The following IPO4 variants were observed in gnomAD, a reference collection of about 807,000 sequenced individuals.
IPO4 encodes importin 4.
In IPO4, 91 loss-of-function variants were observed where a neutral mutation model predicts 133.5. The observed-to-expected ratio is 0.68, with a 90% CI of 0.58 to 0.81. IPO4 has a LOEUF of 0.81. IPO4 is among the 30% of genes least tolerant of loss of function. The pLI, the probability that IPO4 is intolerant of heterozygous loss-of-function variation, is 0.00. For synonymous variants in IPO4, 607 were observed against 581.6 expected, an observed-to-expected ratio of 1.04 and a Z score of -0.63; for missense variants, 1,279 against 1,386.2, an observed-to-expected ratio of 0.92 and a Z score of 1.23.
intron 11 of IPO4, 55 bp downstream of exon 11, chr14:24,186,074 G>A: frequency 6.2e-7 from 1 of 1,606,626 alleles, no homozygotes; most frequent in South Asian, 1.1e-5. Flanking sequence ...GTTGGCCTCA[G>A]GGGGACTAGG....
intron 19 of IPO4, 35 bp downstream of exon 19, chr14:24,183,748 T>G (rs374739628): frequency 6.2e-7 from 1 of 1,613,970 alleles, no homozygotes; most frequent in Non-Finnish European, 8.5e-7. Flanking sequence ...AAAGCCAAAG[T>G]CTAGATTCCT....
In IPO4 at chr14:24,182,315, A is replaced by G. The variant is rs1173353545; in HGVS notation, c.2561T>C (p.Phe854Ser). The G allele has an allele frequency of 1.2e-6, 2 of 1,613,884 alleles. No homozygotes were observed. The highest frequency in any genetic ancestry group is 8.5e-7 in the Non-Finnish European group (1 of 1,179,962). ...CAATAATGGCAGGAAACCGGCAAAG[A>G]ATGGGGCAAAGGAGTCTCCCCCAGC... ...AAAGGDSFAP[F>S]FAGFLPLLVC... The change falls in exon 25 of 30, where the codon TTC becomes TCC. Residue 854 changes from phenylalanine (F) to serine (S), a missense_variant. This residue lies in a region of IPO4 where 575 missense variants were observed against 653.4 expected (regional missense o/e 0.88). Coordinates refer to ENST00000354464, the MANE Select transcript of IPO4 (RefSeq NM_024658.4).
Position 24,186,808 on chromosome 14 carries a change from A to G in IPO4, c.757-17T>C. ...TCTAGCTACCTGTCCACAGAATAAT[A>G]AAAATCAGCGACAGGGAAGGAGAGT... On this transcript the variant is annotated splice_polypyrimidine_tract_variant and intron_variant, in intron 8 of 29. Transcript: ENST00000354464. 1 of 1,613,764 alleles carries G rather than the reference A, an allele frequency of 6.2e-7. No individual in the cohort carries two copies. Among genetic ancestry groups the G allele is most frequent in the Non-Finnish European group, 8.5e-7 (1 of 1,179,634 alleles).
chr14:24,188,351 G>A lies in IPO4; in HGVS notation c.229C>T (p.Arg77Trp). Residue 77 changes from arginine (R) to tryptophan (W), a missense_variant, in exon 3 of 30, where the codon CGG becomes TGG. Around this residue, in one of 3 missense-constraint regions of IPO4, gnomAD observed 695 missense variants for 704.1 expected, o/e 0.99. Transcript: ENST00000354464. ...ACCCCAGGCCCAGCCCACCTCTCCC[G>A]TTGCTCCGCCGCCAGCCGTCGCCAG... Reference protein sequence around the residue: ...TRWRRLAAEQRESLKSLILTA... With the variant: ...TRWRRLAAEQWESLKSLILTA... 4 of 1,590,154 alleles carry A rather than the reference G, an allele frequency of 2.5e-6. No individual in the cohort carries two copies. Among genetic ancestry groups the A allele is most frequent in the Non-Finnish European group, 3.4e-6 (4 of 1,162,664 alleles).
In IPO4 at chr14:24,185,211, A is replaced by G. The variant is rs199933191; in HGVS notation, c.1380T>C (p.Tyr460=). 6.2e-7 allele frequency: 1 copy of G among 1,614,158 alleles called. No individual in the cohort carries two copies. The highest frequency in any genetic ancestry group is 8.5e-7 in the Non-Finnish European group (1 of 1,180,018). ...GGTTCTCCACAAAATTCTCCAGGGCATAGCAGGCCTTGGCTAGGTGGTGTG... is the reference window on the plus strand; with the variant it reads ...GGTTCTCCACAAAATTCTCCAGGGCGTAGCAGGCCTTGGCTAGGTGGTGTG... ...GHTHHLAKAC[Y]ALENFVENLG... Residue 460 remains tyrosine, a synonymous_variant, in exon 14 of 30, where the codon TAT becomes TAC. Coordinates refer to ENST00000354464, the MANE Select transcript of IPO4 (RefSeq NM_024658.4).
At position 24,183,004 on chromosome 14, in the gene IPO4, CCA is replaced by C. The variant is rs748100178; in HGVS notation, c.2391_2392del (p.Cys797TrpfsTer17). ...CCTCTGCAGCACAGCCTTGAGCACG[CCA>C]CAGAGCTCAGCGAGGCGCCCAGGGG... On this transcript the variant is annotated frameshift_variant, in exon 23 of 30. Transcript: ENST00000354464. LOFTEE classifies it high-confidence loss of function. The C allele has an allele frequency of 6.2e-7, 1 of 1,613,718 alleles. No homozygotes were observed. Among genetic ancestry groups the C allele is most frequent in the South Asian group, 1.1e-5 (1 of 91,072 alleles).
rs1395549907 is a variant in IPO4 at position 24,183,110 on chromosome 14, G to A, written c.2287C>T (p.Arg763Trp). The A allele has an allele frequency of 6.2e-6, 10 of 1,613,814 alleles. No homozygotes were observed. The highest frequency in any genetic ancestry group is 8.5e-6 in the Non-Finnish European group (10 of 1,179,994). The part of the protein sequence containing the change: ...PSYMQAVNRE[R>W]ERQVVMAVLE... Reference sequence around the variant, plus strand: ...ACGGCCATCACCACCTGGCGTTCCCGCTCCCTGTTCACTGCCTGCATGTAG... The same window carrying A: ...ACGGCCATCACCACCTGGCGTTCCCACTCCCTGTTCACTGCCTGCATGTAG... Residue 763 changes from arginine to tryptophan, a missense_variant, in exon 23 of 30, where the codon CGG (arginine) becomes TGG (tryptophan). Physicochemically the swap from Arg to Trp is moderately radical, Grantham distance 101. This residue lies in a region of IPO4 where 575 missense variants were observed against 653.4 expected (regional missense o/e 0.88). Transcript: ENST00000354464.
chr14:24,183,510 C>T lies in IPO4; in HGVS notation c.2067G>A (p.Val689=), dbSNP rs769755108. Residue 689 remains valine (V), a synonymous_variant, in exon 21 of 30, where the codon GTG becomes GTA. Coordinates refer to ENST00000354464, the MANE Select transcript of IPO4 (RefSeq NM_024658.4). Reference sequence around the variant, plus strand: ...CACTTTCCATGTATGGAAGGAAGGCCACACTACAGAGAGAGACACAGCCGT... The same window carrying T: ...CACTTTCCATGTATGGAAGGAAGGCTACACTACAGAGAGAGACACAGCCGT... The part of the protein sequence containing the change: ...AVGEISVNTS[V]AFLPYMESVF... 2.5e-6 allele frequency: 4 copies of T among 1,613,896 alleles called. No homozygotes were observed. The highest frequency in any genetic ancestry group is 3.4e-6 in the Non-Finnish European group (4 of 1,179,978).
chr14:24,183,939 C>T (rs746698914), intron 18 of IPO4, 41 bp from the exon 19 acceptor site: 1 of 1,613,664 alleles, frequency 6.2e-7, no homozygotes, highest in Non-Finnish European at 8.5e-7. Context: ...TCAGCTGGGC[C>T]CAGGAGATAA....
chr14:24,188,751 G>A lies in IPO4; in HGVS notation c.37C>T (p.Leu13=). ...SAGLEQLLRE[L]LLPDTERIRR... is the part of the protein sequence containing the mutation. ...ATGCGCTCGGTGTCCGGTAGCAGCAGCTCCCGTAGGAGCTGCTCTAGCCCG... is the reference window on the plus strand; with the variant it reads ...ATGCGCTCGGTGTCCGGTAGCAGCAACTCCCGTAGGAGCTGCTCTAGCCCG... The change falls in exon 1 of 30, where the codon CTG becomes TTG. Residue 13 remains leucine (L), a synonymous_variant. Transcript: ENST00000354464. 1 of 1,539,982 alleles carries A rather than the reference G, an allele frequency of 6.5e-7. No individual in the cohort carries two copies. The highest frequency in any genetic ancestry group is 8.7e-7 in the Non-Finnish European group (1 of 1,143,280).
Position 24,183,325 on chromosome 14 carries a change from G to A in IPO4, c.2152C>T (p.His718Tyr), listed in dbSNP as rs775364818. The change falls in exon 22 of 30, where the codon CAT (histidine) becomes TAT (tyrosine). Residue 718 changes from histidine to tyrosine, a missense_variant. By Grantham distance (83) the His-to-Tyr change is moderately conservative. Transcript: ENST00000354464. Reference sequence around the variant, plus strand: ...CAGCAAAACTGACCCAGAGCCTCATGGGCTGCCTTCCGCACATTCAGGTGA... The same window carrying A: ...CAGCAAAACTGACCCAGAGCCTCATAGGCTGCCTTCCGCACATTCAGGTGA... ...CPHLNVRKAA[H>Y]EALGQFCCAL... 1.7e-4 allele frequency: 280 copies of A among 1,612,470 alleles called. 1 individual carries two copies. The highest frequency in any genetic ancestry group is 2.3e-4 in the Non-Finnish European group (276 of 1,179,282).
rs1371516955 is a variant in IPO4 at position 24,185,306 on chromosome 14, T to A, written c.1285A>T (p.Ile429Phe). 1.9e-6 allele frequency: 3 copies of A among 1,613,878 alleles called. No homozygotes were observed. The highest frequency in any genetic ancestry group is 2.5e-6 in the Non-Finnish European group (3 of 1,179,978). ...ATTACCTCCCTTGAATAGCTGCTGA[T>A]ATGGGGCTGGGGGAGGGAGCAAGCA... is the stretch of plus-strand genomic sequence containing the variant. ...GQFSENLQPH[I>F]SSYSREVMPL... is the part of the protein sequence containing the mutation. The change falls in exon 14 of 30, where the codon ATC becomes TTC. Residue 429 changes from isoleucine to phenylalanine, a missense_variant. Ile to Phe is a conservative substitution (Grantham distance 21). Around this residue, in one of 3 missense-constraint regions of IPO4, gnomAD observed 695 missense variants for 704.1 expected, o/e 0.99. Coordinates refer to ENST00000354464, the MANE Select transcript of IPO4 (RefSeq NM_024658.4).
chr14:24,186,522 T>G, intron 9 of IPO4, 71 bp from the exon 10 acceptor site: 2 of 1,502,524 alleles, frequency 1.3e-6, no homozygotes, highest in Non-Finnish European at 1.8e-6. Flanking sequence ...AAAATTCCAG[T>G]CTTCCAGGCC....
chr14:24,185,670 G>T, intron 12 of IPO4, 103 bp from the exon 13 acceptor site: 2 of 1,147,492 alleles, frequency 1.7e-6, no homozygotes, highest in Non-Finnish European at 2.6e-6. Flanking sequence ...GGCTTTTCCT[G>T]TCACCAGAGG....
At position 24,182,827 on chromosome 14, in the gene IPO4, T is replaced by C; in HGVS notation, c.2437A>G (p.Thr813Ala). ...TCTTCCTCTTCCTCCTCCTCGTCAGTATCCTGACAGGCTGTCTACAAGAAG... is the reference window on the plus strand; with the variant it reads ...TCTTCCTCTTCCTCCTCCTCGTCAGCATCCTGACAGGCTGTCTACAAGAAG... ...VLQRKTACQDTDEEEEEEDDD... is the reference protein window; with the variant it reads ...VLQRKTACQDADEEEEEEDDD... Residue 813 changes from threonine (T) to alanine (A), a missense_variant, in exon 24 of 30, where the codon ACT becomes GCT. Thr to Ala is a moderately conservative substitution (Grantham distance 58, BLOSUM62 0). Coordinates refer to ENST00000354464, the MANE Select transcript of IPO4 (RefSeq NM_024658.4). 1 of 1,614,176 alleles carries C rather than the reference T, an allele frequency of 6.2e-7. No individual in the cohort carries two copies. The highest frequency in any genetic ancestry group is 8.5e-7 in the Non-Finnish European group (1 of 1,180,010).
chr14:24,185,173 C>T lies in IPO4; in HGVS notation c.1408+10G>A. 1 of 1,613,830 alleles carries T rather than the reference C, an allele frequency of 6.2e-7. No individual in the cohort carries two copies. Among genetic ancestry groups the T allele is most frequent in the Non-Finnish European group, 8.5e-7 (1 of 1,179,838 alleles). ...TCCCCCTTCCCCAAGCTCCCCACTG[C>T]CATCACTACCTAGGTTCTCCACAAA... On this transcript the variant is annotated intron_variant, in intron 14 of 29. Coordinates refer to ENST00000354464, the MANE Select transcript of IPO4 (RefSeq NM_024658.4).
In IPO4 at chr14:24,183,656, T is replaced by C; in HGVS notation, c.1997A>G (p.Glu666Gly). The part of the protein sequence containing the change: ...DDSEISGYSV[E>G]NAFFDEKEDT... Reference sequence around the variant, plus strand: ...TTCCTTCTCATCGAAGAAGGCATTCTCCACGCTGTACCTAGAGTAAGAAGG... The same window carrying C: ...TTCCTTCTCATCGAAGAAGGCATTCCCCACGCTGTACCTAGAGTAAGAAGG... Residue 666 changes from glutamate to glycine, a missense_variant, in exon 20 of 30, where the codon GAG (glutamate) becomes GGG (glycine). Coordinates refer to ENST00000354464, the MANE Select transcript of IPO4 (RefSeq NM_024658.4). 6.2e-7 allele frequency: 1 copy of C among 1,614,084 alleles called. No individual in the cohort carries two copies. Among genetic ancestry groups the C allele is most frequent in the Non-Finnish European group, 8.5e-7 (1 of 1,179,996 alleles).
chr14:24,183,972 G>GGGGCCC, intron 18 of IPO4, 26 bp downstream of exon 18: 83 of 1,572,744 alleles, frequency 5.3e-5, no homozygotes, highest in Non-Finnish European at 6.8e-5. Flanking sequence ...GGCAGGCCTG[G>GGGGCCC]CCCAGCCCAC....
At chr14:24,187,609 G>A (rs1324691851) in intron 5 of IPO4, 30 bp from the exon 6 acceptor site, 2 of 1,614,006 alleles carry the variant, frequency 1.2e-6, no homozygotes, top group African/African-American at 2.7e-5. Context: ...GGGAGAGCAA[G>A]CTTACAAGGT....
Sources: allele counts gnomAD v4.1 joint callset, GRCh38; gene constraint gnomAD v4.1.1; regional missense constraint gnomAD v4.1.1; transcripts MANE v1.5; gene names NCBI Gene and HGNC (gene_info 2026-07-23, HGNC 2026-07-21).